Variants in IL12RB2 observed in about 807,000 individuals in gnomAD.
The protein encoded by IL12RB2 is interleukin 12 receptor subunit beta 2.
In IL12RB2, 82 loss-of-function variants were observed where a neutral mutation model predicts 89.4. The observed-to-expected ratio is 0.92, with a 90% CI of 0.77 to 1.10. The LOEUF (loss-of-function observed/expected upper bound fraction) is 1.10. IL12RB2 is among the 50% of genes least tolerant of loss of function. The pLI is 0.00. For missense variants in IL12RB2, 963 were observed against 1,031.9 expected (o/e 0.93, Z 0.92); for synonymous variants, 368 against 370.1 (o/e 0.99, Z 0.07).
rs1204575816 is a variant in IL12RB2, at chr1:67,326,801, C to T, written c.431C>T (p.Thr144Ile). 6.2e-7 allele frequency: 1 copy of T among 1,613,820 alleles called. No homozygotes were observed. Among genetic ancestry groups the T allele is most frequent in the Non-Finnish European group, 8.5e-7 (1 of 1,179,846 alleles). ...GGAGAACAGGGGACTGTGGCCTGCA[C>T]CTGGGAAAGAGGACGAGACACCCAC... ...QKGEQGTVAC[T>I]WERGRDTHLY... Residue 144 changes from threonine to isoleucine, a missense_variant, in exon 5 of 17, where the codon ACC becomes ATC. Thr to Ile is a moderately conservative substitution (Grantham distance 89). Coordinates refer to ENST00000674203, the MANE Select transcript of IL12RB2 (RefSeq NM_001374259.2).
intron 4 of IL12RB2, among the ~76,000 whole-genome samples, chr1:67,325,568 G>C (rs1372394129): frequency 1.3e-5 from 2 of 152,168 alleles, no homozygotes; most frequent in Non-Finnish European, 2.9e-5. Context: ...AGCGAAAAGA[G>C]ACTTTTTTAA....
At chr1:67,352,659 C>G (rs1464746633) in intron 10 of IL12RB2, among the ~76,000 whole-genome samples, 1 of 152,178 alleles carries the variant, frequency 6.6e-6, no homozygotes, top group Non-Finnish European at 1.5e-5. Context: ...AACTGGTAAT[C>G]TCTCTCTATA....
intron 13 of IL12RB2, among the ~76,000 whole-genome samples, chr1:67,379,009 C>A (rs1012886158): frequency 1.6e-4 from 24 of 151,968 alleles, no homozygotes; most frequent in African/African-American, 5.8e-4. Context: ...ATTAGCCTGG[C>A]CAACATGGTG....
At chr1:67,388,880 A>C (rs959821484) in intron 15 of IL12RB2, among the ~76,000 whole-genome samples, 1 of 152,200 alleles carries the variant, frequency 6.6e-6, no homozygotes, top group Non-Finnish European at 1.5e-5. Flanking sequence ...GAACTTGTCT[A>C]ACAGGCTGTA....
chr1:67,397,801 A>G lies in IL12RB2; in HGVS notation c.*1712A>G, dbSNP rs2100374942. On this transcript the variant is annotated 3_prime_UTR_variant, in exon 17 of 17. Transcript: ENST00000674203. ...CCTTCCCACATGAACGCTGGAACTGAGATGGCTTCCCCATCATCGTCTGGA... is the reference window on the plus strand; with the variant it reads ...CCTTCCCACATGAACGCTGGAACTGGGATGGCTTCCCCATCATCGTCTGGA... Among the ~76,000 whole-genome samples, 1 of 152,300 alleles carries G rather than the reference A, an allele frequency of 6.6e-6. No homozygotes were observed. Among genetic ancestry groups the G allele is most frequent in the East Asian group, 1.9e-4 (1 of 5,182 alleles).
chr1:67,323,535 AG>A (rs1179060288), intron 4 of IL12RB2, among the ~76,000 whole-genome samples: 4 of 152,230 alleles, frequency 2.6e-5, no homozygotes, highest in African/African-American at 7.2e-5. Flanking sequence ...GGAGGCATTC[AG>A]GTGACGGCTT....
At chr1:67,309,603 C>G (rs1654748755) in intron 1 of IL12RB2, among the ~76,000 whole-genome samples, 1 of 152,158 alleles carries the variant, frequency 6.6e-6, no homozygotes, top group Non-Finnish European at 1.5e-5. Context: ...ATATGTCATG[C>G]CTCTTGAATG....
chr1:67,345,597 A>G (rs571054366), intron 9 of IL12RB2, among the ~76,000 whole-genome samples: 1 of 152,354 alleles, frequency 6.6e-6, no homozygotes, highest in Non-Finnish European at 1.5e-5. Context: ...GGGCATTTAT[A>G]TAATTATAGG....
chr1:67,314,757 GA>G (rs1244786041), intron 2 of IL12RB2, among the ~76,000 whole-genome samples: 2 of 152,148 alleles, frequency 1.3e-5, no homozygotes. Flanking sequence ...GAGCAATGGG[GA>G]AAGAGGCTGG....
intron 8 of IL12RB2, among the ~76,000 whole-genome samples, chr1:67,337,208 G>A (rs1445949801): frequency 6.6e-6 from 1 of 151,966 alleles, no homozygotes; most frequent in African/African-American, 2.4e-5. Flanking sequence ...CCAGGTGGTG[G>A]GACTTAATTT....
intron 10 of IL12RB2, among the ~76,000 whole-genome samples, chr1:67,364,557 T>C (rs911832370): frequency 1.3e-5 from 2 of 152,204 alleles, no homozygotes; most frequent in Admixed American, 1.3e-4. Context: ...ACTGGGAGCA[T>C]TACTTAATGA....
intron 8 of IL12RB2, among the ~76,000 whole-genome samples, chr1:67,334,623 CA>C (rs67915009): frequency 0.47 from 71,658 of 151,440 alleles, 19,633 homozygotes; most frequent in Non-Finnish European, 0.6. Context: ...GGACTACAGG[CA>C]CCCCGCCACC....
intron 9 of IL12RB2, among the ~76,000 whole-genome samples, chr1:67,347,439 C>A (rs534547616): frequency 6.6e-6 from 1 of 152,238 alleles, no homozygotes; most frequent in South Asian, 2.1e-4. Flanking sequence ...TCCAATAGAT[C>A]TTTAATTAAA....
intron 4 of IL12RB2, among the ~76,000 whole-genome samples, chr1:67,324,222 T>A (rs1048098574): frequency 6.6e-6 from 1 of 152,158 alleles, no homozygotes; most frequent in Non-Finnish European, 1.5e-5. Context: ...GAAGAGACTT[T>A]CGTTTGTTTG....
At chr1:67,362,827 G>A (rs1032172968) in intron 10 of IL12RB2, among the ~76,000 whole-genome samples, 13 of 151,732 alleles carry the variant, frequency 8.6e-5, no homozygotes, top group Non-Finnish European at 1.5e-4. Context: ...AATGAGATAG[G>A]TCAGAAACTT....
intron 10 of IL12RB2, among the ~76,000 whole-genome samples, chr1:67,352,932 G>A (rs946615396): frequency 6.6e-6 from 1 of 152,190 alleles, no homozygotes; most frequent in Non-Finnish European, 1.5e-5. Context: ...TTACTAGGGA[G>A]CAACTTGGCA....
intron 9 of IL12RB2, among the ~76,000 whole-genome samples, chr1:67,347,177 CAA>C (rs1326769322): frequency 1.3e-5 from 2 of 152,148 alleles, no homozygotes; most frequent in African/African-American, 4.8e-5. Flanking sequence ...AGAAAAAAAT[CAA>C]AGTCAGCAGT....
In IL12RB2 at chr1:67,318,436, T is replaced by C. The variant is rs1656066883; in HGVS notation, c.-36-1897T>C. 2.0e-5 allele frequency among the ~76,000 whole-genome samples: 3 copies of C among 152,160 alleles called. No homozygotes were observed. The South Asian group carries it at 6.2e-4, about 32-fold the overall frequency. On this transcript the variant is annotated intron_variant, in intron 2 of 16. Coordinates refer to ENST00000674203, the MANE Select transcript of IL12RB2 (RefSeq NM_001374259.2). ...AGGGCAAGGATGGTTTGGAAAGACA[T>C]GTTGACGGCTAGAATAGACTAGGGG...
At chr1:67,358,745 T>C (rs1255074857) in intron 10 of IL12RB2, among the ~76,000 whole-genome samples, 1 of 152,028 alleles carries the variant, frequency 6.6e-6, no homozygotes, top group Non-Finnish European at 1.5e-5. Context: ...CTAGTAAAAG[T>C]AAACTTTCAA....
Sources: allele counts gnomAD v4.1 joint callset (sites outside exome capture counted in the v4.1 genomes callset), GRCh38; gene constraint gnomAD v4.1.1; transcripts MANE v1.5; gene names NCBI Gene and HGNC (gene_info 2026-07-23, HGNC 2026-07-21).